The following ATP13A1 variants were observed in gnomAD, a reference collection of about 807,000 sequenced individuals.
ATP13A1 encodes the protein ATPase 13A1, also known as endoplasmic reticulum transmembrane helix translocase.
A neutral mutation model predicts 134.8 loss-of-function variants in ATP13A1; 55 were observed. The ratio of observed to expected loss-of-function variants is 0.41; its 90% confidence interval spans 0.33 to 0.51. The LOEUF is 0.51. Among genes scored for constraint, ATP13A1 ranks in the 20% least tolerant of loss-of-function variants. ATP13A1 has a pLI of 0.29. For synonymous variants in ATP13A1, 775 were observed against 725.1 expected (o/e 1.07, Z -1.10); for missense variants, 1,389 against 1,652.8 (o/e 0.84, Z 2.77).
intron 1 of ATP13A1, 52 bp from the exon 2 acceptor site, chr19:19,660,039 C>A: frequency 6.6e-7 from 1 of 1,503,910 alleles, no homozygotes; most frequent in South Asian, 1.2e-5. Context: ...ACCTACAGTT[C>A]CAAGACCCCC....
intron 3 of ATP13A1, 115 bp downstream of exon 3, chr19:19,659,486 A>G: frequency 5.6e-6 from 3 of 539,128 alleles, no homozygotes; most frequent in Non-Finnish European, 8.6e-6. Context: ...AAATAAAATA[A>G]TAGTAAATAA....
Position 19,656,979 on chromosome 19 carries a change from C to A in ATP13A1, c.906+15G>T, listed in dbSNP as rs776180960. The A allele has an allele frequency of 7.5e-6, 12 of 1,602,018 alleles. No individual in the cohort carries two copies. In the East Asian group the frequency reaches 2.5e-4, roughly 33 times the overall value. The stretch of plus-strand genomic sequence containing the variant: ...TGTGCTGCACCCCCAACCTGGGTCT[C>A]CCTGGCAGCCACACCTGGATCATGT... On this transcript the variant is annotated intron_variant, in intron 5 of 25. Transcript: ENST00000357324. This position sits in a 1 kb window ranked among gnomAD's most constrained non-coding sequence, Gnocchi z 4.6.
Position 19,654,560 on chromosome 19 carries a change from T to TCC in ATP13A1, c.1794_1795dup (p.Asp599GlyfsTer5). 6.2e-7 allele frequency: 1 copy of TCC among 1,610,964 alleles called. No individual in the cohort carries two copies. Among genetic ancestry groups the TCC allele is most frequent in the Non-Finnish European group, 8.5e-7 (1 of 1,179,036 alleles). ...CCCCTCACCTTTGGTCAGCGTCCAGTCCACGGCCGTCAGCATGGCCTTCTC... is the reference window on the plus strand; with the variant it reads ...CCCCTCACCTTTGGTCAGCGTCCAGTCCCCACGGCCGTCAGCATGGCCTTCTC... On this transcript the variant is annotated frameshift_variant, in exon 13 of 26. Coordinates refer to ENST00000357324, the MANE Select transcript of ATP13A1 (RefSeq NM_020410.3). LOFTEE classifies it high-confidence loss of function.
At position 19,656,943 on chromosome 19, in the gene ATP13A1, G is replaced by C. The variant is rs777875311; in HGVS notation, c.907-27C>G. ...TGGGCGGGGCATGGGTGTCAGCACA[G>C]AAGCCGCACCTGTGCTGCACCCCCA... On this transcript the variant is annotated intron_variant, in intron 5 of 25. Coordinates refer to ENST00000357324, the MANE Select transcript of ATP13A1 (RefSeq NM_020410.3). The surrounding 1 kb of genome is among the most constrained non-coding windows in gnomAD (Gnocchi z 4.6). The C allele has an allele frequency of 1.1e-5, 18 of 1,604,650 alleles. No individual in the cohort carries two copies. Among genetic ancestry groups the C allele is most frequent in the Non-Finnish European group, 1.5e-5 (18 of 1,176,294 alleles).
At position 19,657,324 on chromosome 19, in the gene ATP13A1, C is replaced by G. The variant is rs201950575; in HGVS notation, c.750+12G>C. On this transcript the variant is annotated intron_variant, in intron 4 of 25. Transcript: ENST00000357324. Reference sequence around the variant, plus strand: ...GAGGAAATGGGGAGATGGGCCAGAGCTGCTGCTTTACCTGAAATACAAAGA... The same window carrying G: ...GAGGAAATGGGGAGATGGGCCAGAGGTGCTGCTTTACCTGAAATACAAAGA... The G allele has an allele frequency of 1.3e-6, 2 of 1,562,994 alleles. No individual in the cohort carries two copies. Among genetic ancestry groups the G allele is most frequent in the Non-Finnish European group, 1.7e-6 (2 of 1,153,238 alleles).
chr19:19,655,449 G>A lies in ATP13A1; in HGVS notation c.1401C>T (p.Thr467=), dbSNP rs751280476. ...AAAAYVWIEG[T]KDPSRNRYKL... ...TGTAGCGGTTCCGGCTGGGGTCCTT[G>A]GTACCTGTGGAGACAGGGCCTGCCA... The change falls in exon 11 of 26, where the codon ACC becomes ACT. Residue 467 remains threonine, a synonymous_variant. Transcript: ENST00000357324. The surrounding 1 kb of genome is among the most constrained non-coding windows in gnomAD (Gnocchi z 5.7). The A allele has an allele frequency of 1.9e-6, 3 of 1,613,978 alleles. No homozygotes were observed. The highest frequency in any genetic ancestry group is 2.5e-6 in the Non-Finnish European group (3 of 1,179,884).
chr19:19,655,231 A>G lies in ATP13A1; in HGVS notation c.1543T>C (p.Cys515Arg). The change falls in exon 12 of 26, where the codon TGC becomes CGC. Residue 515 changes from cysteine (C) to arginine (R), a missense_variant. Transcript: ENST00000357324. This position sits in a 1 kb window ranked among gnomAD's most constrained non-coding sequence, Gnocchi z 5.7. ...LIALAKLYMY[C>R]TEPFRIPFAG... ...AAGGGGATCCGGAAGGGCTCTGTGC[A>G]GTACATGTCTAGGGGCGGGAGTGAG... The G allele has an allele frequency of 6.2e-7, 1 of 1,614,018 alleles. No homozygotes were observed. The highest frequency in any genetic ancestry group is 8.5e-7 in the Non-Finnish European group (1 of 1,179,886).
At chr19:19,658,016 G>A (rs543385754) in intron 3 of ATP13A1, among the ~76,000 whole-genome samples, 119 of 151,788 alleles carry the variant, frequency 7.8e-4, no homozygotes, top group Middle Eastern at 3.4e-3. Flanking sequence ...GGGGGTGGTG[G>A]TGTGTGCCTG....
rs1454294874 is a variant in ATP13A1 at position 19,647,015 on chromosome 19, C to T, written c.3105+114G>A. ...TTCCTGAGCCATCCCAGCTACAGCCCCCATCTCTGGGGCCCTGGGTCCTGT... is the reference window on the plus strand; with the variant it reads ...TTCCTGAGCCATCCCAGCTACAGCCTCCATCTCTGGGGCCCTGGGTCCTGT... On this transcript the variant is annotated intron_variant, in intron 22 of 25. Transcript: ENST00000357324. This position sits in a 1 kb window ranked among gnomAD's most constrained non-coding sequence, Gnocchi z 4.8. 8.4e-7 allele frequency: 1 copy of T among 1,188,228 alleles called. No homozygotes were observed. The highest frequency in any genetic ancestry group is 1.2e-6 in the Non-Finnish European group (1 of 859,806). The allele number at this position is 1,188,228 out of a possible 1,614,324, so 73.6% of individuals were successfully genotyped here. A position where few individuals can be genotyped will look rare whatever the true frequency, so the allele number is the denominator to read the frequency against.
chr19:19,663,602 G>A lies in ATP13A1; in HGVS notation c.65C>T (p.Pro22Leu), dbSNP rs1160994222. 1 of 1,423,860 alleles carries A rather than the reference G, an allele frequency of 7.0e-7. No individual in the cohort carries two copies. Among genetic ancestry groups the A allele is most frequent in the Non-Finnish European group, 9.1e-7 (1 of 1,099,746 alleles). The allele number at this position is 1,423,860 out of a possible 1,614,324, so 88.2% of individuals were successfully genotyped here. The change falls in exon 1 of 26, where the codon CCT becomes CTT. Residue 22 changes from proline (P) to leucine (L), a missense_variant. This residue lies in a region of ATP13A1 where 293 missense variants were observed against 270.8 expected (regional missense o/e 1.08). Coordinates refer to ENST00000357324, the MANE Select transcript of ATP13A1 (RefSeq NM_020410.3). ...CGGCCCGGGCTTGGGCTGCCCGTCA[G>A]GCCGGACCCCGCAAGGCCGGGCCCC... ...PCGARPCGVR[P>L]DGQPKPGPQP... is the part of the protein sequence containing the mutation.
chr19:19,645,753 G>A lies in ATP13A1; in HGVS notation c.3398C>T (p.Pro1133Leu). Residue 1133 changes from proline (P) to leucine (L), a missense_variant, in exon 25 of 26, where the codon CCC (proline) becomes CTC (leucine). This residue lies in a region of ATP13A1 where 228 missense variants were observed against 321.0 expected (regional missense o/e 0.71). Transcript: ENST00000357324. The surrounding 1 kb of genome is among the most constrained non-coding windows in gnomAD (Gnocchi z 4.1). ...TGAAACTGCCAGACTCCACACCAGG[G>A]GCTTGTTCTCGGGCAGGCTCTCCAT... is the stretch of plus-strand genomic sequence containing the variant. The part of the protein sequence containing the change: ...PFMESLPENK[P>L]LVWSLAVSLL... 2 of 1,608,354 alleles carry A rather than the reference G, an allele frequency of 1.2e-6. No individual in the cohort carries two copies. Among genetic ancestry groups the A allele is most frequent in the Non-Finnish European group, 1.7e-6 (2 of 1,177,646 alleles).
Position 19,652,680 on chromosome 19 carries a change from T to C in ATP13A1, c.2141A>G (p.Lys714Arg). 2 of 1,608,644 alleles carry C rather than the reference T, an allele frequency of 1.2e-6. No individual in the cohort carries two copies. Among genetic ancestry groups the C allele is most frequent in the Non-Finnish European group, 8.5e-7 (1 of 1,178,084 alleles). Residue 714 changes from lysine (K) to arginine (R), a missense_variant, in exon 16 of 26, where the codon AAG (lysine) becomes AGG (arginine). Around this residue, in one of 4 missense-constraint regions of ATP13A1, gnomAD observed 747 missense variants for 956.1 expected, o/e 0.78. Transcript: ENST00000357324. ...GGAGACCACAATGAAGCCGACGAAC[T>C]TGAGGCTGCACTCCAGGGCCTCCCG... The part of the protein sequence containing the change: ...VKREALECSL[K>R]FVGFIVVSCP...
Position 19,652,456 on chromosome 19 carries a change from A to T in ATP13A1, c.2226+139T>A, listed in dbSNP as rs114139115. The T allele has an allele frequency of 1.5e-3, 1,897 of 1,279,318 alleles. 20 individuals are homozygous for T. In the African/African-American group the frequency reaches 0.025, roughly 17 times the overall value. 79.2% of individuals were successfully genotyped at this position (1,279,318 alleles called of 1,614,324 possible). On this transcript the variant is annotated intron_variant, in intron 16 of 25. Coordinates refer to ENST00000357324, the MANE Select transcript of ATP13A1 (RefSeq NM_020410.3). Reference sequence around the variant, plus strand: ...GTGTCCTTGGGCCAGTGGCAATGTTAGCACCTGAGCTATGATCTTGCTCAG... The same window carrying T: ...GTGTCCTTGGGCCAGTGGCAATGTTTGCACCTGAGCTATGATCTTGCTCAG...
chr19:19,648,031 G>A (rs918399153), intron 19 of ATP13A1, among the ~76,000 whole-genome samples: 4 of 152,164 alleles, frequency 2.6e-5, no homozygotes, highest in African/African-American at 9.7e-5. Flanking sequence ...AAACTAAACT[G>A]ATTTTGGCCG....
chr19:19,658,734 A>G (rs2062075747), intron 3 of ATP13A1, among the ~76,000 whole-genome samples: 1 of 152,208 alleles, frequency 6.6e-6, no homozygotes. Flanking sequence ...TACTCAGTAC[A>G]AAAGGGCAGA....
rs778747885 is a variant in ATP13A1 at position 19,663,317 on chromosome 19, G to A, written c.350C>T (p.Ser117Leu). 2.5e-6 allele frequency: 4 copies of A among 1,591,428 alleles called. No homozygotes were observed. Among genetic ancestry groups the A allele is most frequent in the Non-Finnish European group, 2.6e-6 (3 of 1,170,170 alleles). The change falls in exon 1 of 26, where the codon TCG (serine) becomes TTG (leucine). Residue 117 changes from serine to leucine, a missense_variant. Around this residue, in one of 4 missense-constraint regions of ATP13A1, gnomAD observed 293 missense variants for 270.8 expected, o/e 1.08. Coordinates refer to ENST00000357324, the MANE Select transcript of ATP13A1 (RefSeq NM_020410.3). ...ATGCGCGTGCACAGACCAATGCCCC[G>A]AGAGGACAGTGAGCGCGTGCGCGAG... is the stretch of plus-strand genomic sequence containing the variant. ...ICLAHALTVLSGHWSVHAHCA... is the reference protein window; with the variant it reads ...ICLAHALTVLLGHWSVHAHCA...
Position 19,646,205 on chromosome 19 carries a change from T to G in ATP13A1, c.3248A>C (p.Lys1083Thr). Residue 1083 changes from lysine to threonine, a missense_variant and splice_region_variant, in exon 23 of 26, where the codon AAG becomes ACG. Lys to Thr is a moderately conservative substitution (Grantham distance 78). This residue lies in a region of ATP13A1 where 228 missense variants were observed against 321.0 expected (regional missense o/e 0.71). Coordinates refer to ENST00000357324, the MANE Select transcript of ATP13A1 (RefSeq NM_020410.3). ...YREAQARSPEKQEQFVDLYKE... is the reference protein window; with the variant it reads ...YREAQARSPETQEQFVDLYKE... Reference sequence around the variant, plus strand: ...TCACCTCCTCCAAGGCAGCACTTACTTCTCGGGGCTCCGGGCCTGGGCCTC... The same window carrying G: ...TCACCTCCTCCAAGGCAGCACTTACGTCTCGGGGCTCCGGGCCTGGGCCTC... The G allele has an allele frequency of 6.2e-7, 1 of 1,613,658 alleles. No homozygotes were observed. Among genetic ancestry groups the G allele is most frequent in the South Asian group, 1.1e-5 (1 of 91,046 alleles).
Position 19,656,599 on chromosome 19 carries a change from C to G in ATP13A1, c.1083+61G>C. ...GGGGGATCCCCGCCACCCCCTGGGC[C>G]TCCACCTCCTGGCCTGTTTCCTCCT... On this transcript the variant is annotated intron_variant, in intron 7 of 25. Transcript: ENST00000357324. This position sits in a 1 kb window ranked among gnomAD's most constrained non-coding sequence, Gnocchi z 4.6. The G allele has an allele frequency of 6.5e-7, 1 of 1,543,320 alleles. No homozygotes were observed.
At position 19,647,974 on chromosome 19, in the gene ATP13A1, C is replaced by T. The variant is rs147862610; in HGVS notation, c.2633-215G>A. ...AAGAAAACAAACCACCAACAATAAACCCCCACAACAAATGCAATGAAAAAA... is the reference window on the plus strand; with the variant it reads ...AAGAAAACAAACCACCAACAATAAATCCCCACAACAAATGCAATGAAAAAA... On this transcript the variant is annotated intron_variant, in intron 19 of 25. Transcript: ENST00000357324. This position sits in a 1 kb window ranked among gnomAD's most constrained non-coding sequence, Gnocchi z 4.8. Among the ~76,000 whole-genome samples, 1,379 of 152,240 alleles carry T rather than the reference C, an allele frequency of 9.1e-3. 24 individuals carry two copies. The highest frequency in any genetic ancestry group is 0.032 in the African/African-American group (1,314 of 41,542).
Sources: allele counts gnomAD v4.1 joint callset (sites outside exome capture counted in the v4.1 genomes callset), GRCh38; gene constraint gnomAD v4.1.1; regional missense constraint gnomAD v4.1.1; non-coding constraint Gnocchi (gnomAD v3.1); transcripts MANE v1.5; gene names NCBI Gene and HGNC (gene_info 2026-07-23, HGNC 2026-07-21).